The following HNRNPLL variants were observed in gnomAD, a reference collection of about 807,000 sequenced individuals.
HNRNPLL encodes heterogeneous nuclear ribonucleoprotein L-like.
In HNRNPLL, 25 loss-of-function variants were observed where a neutral mutation model predicts 67.1. That is an observed-to-expected ratio of 0.37 (90% CI 0.27 to 0.52). The LOEUF is 0.52. Among genes scored for constraint, HNRNPLL ranks in the 20% least tolerant of loss-of-function variants. The pLI is 0.90. For synonymous variants in HNRNPLL, 267 were observed against 241.7 expected (o/e 1.10, Z -0.97); for missense variants, 542 against 673.9 (o/e 0.80, Z 2.17).
Position 38,602,465 on chromosome 2 carries a change from G to A in HNRNPLL, c.162C>T (p.Gly54=). 1.3e-6 allele frequency: 2 copies of A among 1,539,084 alleles called. No individual in the cohort carries two copies. The highest frequency in any genetic ancestry group is 1.2e-5 in the South Asian group (1 of 84,062). Residue 54 remains glycine (G), a synonymous_variant, in exon 1 of 13, where the codon GGC becomes GGT. Coordinates refer to ENST00000449105, the MANE Select transcript of HNRNPLL (RefSeq NM_138394.4). ...GCTGAGAGAAGCTCCGGCCGCCGCC[G>A]CCGCCATCGCCCCCGCCCCGGGGCG... The part of the protein sequence containing the change: ...EATPRGGGDG[G]GGGRSFSQPE...
intron 1 of HNRNPLL, among the ~76,000 whole-genome samples, chr2:38,596,417 C>T (rs1236294653): frequency 5.3e-5 from 8 of 152,136 alleles, no homozygotes; most frequent in African/African-American, 1.9e-4. Flanking sequence ...TACCACCACA[C>T]CTGGCTGATT....
Position 38,602,694 on chromosome 2 carries a change from G to C in HNRNPLL, c.-68C>G. The C allele has an allele frequency of 7.0e-7, 1 of 1,430,986 alleles. No homozygotes were observed. The highest frequency in any genetic ancestry group is 1.5e-5 in the South Asian group (1 of 67,360). 88.6% of individuals were successfully genotyped at this position (1,430,986 alleles called of 1,614,324 possible). ...CGGTGGGGCGCGCGCCTCGGATGCC[G>C]CCGGCCAGTCCTCGCCGCCGGCAGC... is the stretch of plus-strand genomic sequence containing the variant. On this transcript the variant is annotated 5_prime_UTR_variant, in exon 1 of 13. Coordinates refer to ENST00000449105, the MANE Select transcript of HNRNPLL (RefSeq NM_138394.4).
Position 38,562,412 on chromosome 2 carries a change from G to C in HNRNPLL, c.*1770C>G, listed in dbSNP as rs1424462038. The C allele has an allele frequency of 6.6e-6, 1 of 151,966 alleles. No individual in the cohort carries two copies. The highest frequency in any genetic ancestry group is 1.5e-5 in the Non-Finnish European group (1 of 67,970). The allele number at this position is 151,966 out of a possible 1,614,324, so 9.4% of individuals were successfully genotyped here. ...GAAATAAGTCCTGCCAACACCTACA[G>C]GTTTATTTCTTAAAATCTTAGGCAT... On this transcript the variant is annotated 3_prime_UTR_variant, in exon 13 of 13. Transcript: ENST00000449105.
At chr2:38,586,051 T>G (rs969447027) in intron 2 of HNRNPLL, among the ~76,000 whole-genome samples, 170 bp from the exon 3 acceptor site, 7 of 152,064 alleles carry the variant, frequency 4.6e-5, no homozygotes, top group African/African-American at 1.7e-4. Flanking sequence ...AGACGGAGTC[T>G]TTCTCTGTCG....
chr2:38,591,738 G>C (rs1200962972), intron 1 of HNRNPLL, 90 bp from the exon 2 acceptor site: 2 of 710,424 alleles, frequency 2.8e-6, no homozygotes, highest in Non-Finnish European at 4.8e-6. Context: ...CACTTTGGGA[G>C]GTCAAAGTGG....
chr2:38,573,907 A>G (rs908864452), intron 7 of HNRNPLL, among the ~76,000 whole-genome samples: 2 of 151,862 alleles, frequency 1.3e-5, no homozygotes, highest in African/African-American at 4.8e-5. Flanking sequence ...CCTTGAATAT[A>G]TTTTACTATG....
At chr2:38,584,796 A>T (rs769262139) in intron 3 of HNRNPLL, among the ~76,000 whole-genome samples, 1 of 152,020 alleles carries the variant, frequency 6.6e-6, no homozygotes, top group Non-Finnish European at 1.5e-5. Context: ...AACTATCAAG[A>T]AATTTCTTGA....
At chr2:38,585,355 C>T (rs899803580) in intron 3 of HNRNPLL, among the ~76,000 whole-genome samples, 29 of 152,050 alleles carry the variant, frequency 1.9e-4, no homozygotes, top group African/African-American at 6.5e-4. Context: ...ATTTTTTGAA[C>T]GATTTCAAAC....
In HNRNPLL at chr2:38,602,600, C is replaced by T; in HGVS notation, c.27G>A (p.Arg9=). Residue 9 remains arginine (R), a synonymous_variant, in exon 1 of 13, where the codon AGG becomes AGA. Transcript: ENST00000449105. ...ACTCCCGGTCCTCCTCGTACGTCTC[C>T]CTGGGGGAGGAAGAGGAGGAGGACA... MSSSSSSP[R]ETYEEDREYE... 6.4e-7 allele frequency: 1 copy of T among 1,565,416 alleles called. No individual in the cohort carries two copies. Among genetic ancestry groups the T allele is most frequent in the Non-Finnish European group, 8.6e-7 (1 of 1,158,988 alleles).
Position 38,566,977 on chromosome 2 carries a change from G to T in HNRNPLL, c.1573+1222C>A, listed in dbSNP as rs922806051. On this transcript the variant is annotated intron_variant, in intron 12 of 12. Coordinates refer to ENST00000449105, the MANE Select transcript of HNRNPLL (RefSeq NM_138394.4). ...ATAAGACAAAACTGTGATACATCTT[G>T]ACTATAAATAGCTATCCTGAAAATG... Among the ~76,000 whole-genome samples the T allele has an allele frequency of 2.0e-5, 3 of 152,260 alleles. No individual in the cohort carries two copies. In the East Asian group the frequency reaches 5.8e-4, roughly 29 times the overall value.
intron 3 of HNRNPLL, among the ~76,000 whole-genome samples, chr2:38,584,356 G>A (rs1469380210): frequency 1.3e-5 from 2 of 152,060 alleles, no homozygotes; most frequent in Non-Finnish European, 2.9e-5. Context: ...CCACCATGCT[G>A]GCCTAAAATT....
chr2:38,569,084 A>C, intron 10 of HNRNPLL, 49 bp downstream of exon 10: 8 of 1,316,140 alleles, frequency 6.1e-6, no homozygotes, highest in Non-Finnish European at 8.8e-6. Flanking sequence ...AACAGATTTT[A>C]AAATAGGAAA....
intron 1 of HNRNPLL, among the ~76,000 whole-genome samples, chr2:38,597,543 T>G (rs1479554840): frequency 6.6e-6 from 1 of 152,206 alleles, no homozygotes; most frequent in Non-Finnish European, 1.5e-5. Context: ...ATTAAATAAT[T>G]ATGTCTCTTG....
chr2:38,574,565 G>C (rs925457352), intron 7 of HNRNPLL, among the ~76,000 whole-genome samples: 2 of 151,752 alleles, frequency 1.3e-5, no homozygotes, highest in Admixed American at 6.6e-5. Flanking sequence ...GAGTTACTAA[G>C]AACTACTAAA....
chr2:38,572,902 A>C (rs77360526), intron 8 of HNRNPLL, among the ~76,000 whole-genome samples: 1 of 152,062 alleles, frequency 6.6e-6, no homozygotes, highest in African/African-American at 2.4e-5. Flanking sequence ...CGCTAGAATC[A>C]CTTTGAAATG....
chr2:38,589,618 C>T (rs958009736), intron 2 of HNRNPLL, among the ~76,000 whole-genome samples: 3 of 152,158 alleles, frequency 2.0e-5, no homozygotes, highest in South Asian at 2.1e-4. Flanking sequence ...CATTCACATA[C>T]GGTAGACTTT....
Position 38,564,152 on chromosome 2 carries a change from GAACATAAATTCT to G in HNRNPLL, c.*18_*29del. ...GTAGCTTTGAAATTGTAATAAAGGTGAACATAAATTCTAACATGCTCTTCTCTTCTTATAAAT... is the reference window on the plus strand; with the variant it reads ...GTAGCTTTGAAATTGTAATAAAGGTGAACATGCTCTTCTCTTCTTATAAAT... On this transcript the variant is annotated 3_prime_UTR_variant, in exon 13 of 13. Transcript: ENST00000449105. The G allele has an allele frequency of 7.6e-7, 1 of 1,313,386 alleles. No individual in the cohort carries two copies. The highest frequency in any genetic ancestry group is 1.1e-6 in the Non-Finnish European group (1 of 910,956). The allele number at this position is 1,313,386 out of a possible 1,614,324, so 81.4% of individuals were successfully genotyped here.
At chr2:38,571,815 C>G (rs1478837374) in intron 8 of HNRNPLL, among the ~76,000 whole-genome samples, 7 of 151,996 alleles carry the variant, frequency 4.6e-5, no homozygotes, top group Non-Finnish European at 7.4e-5. Context: ...TAAAAACTTG[C>G]AAGATGTAGA....
At chr2:38,571,026 T>C (rs1026825591) in intron 8 of HNRNPLL, among the ~76,000 whole-genome samples, 2 of 152,060 alleles carry the variant, frequency 1.3e-5, no homozygotes, top group African/African-American at 4.8e-5. Context: ...GCCTCGGCGA[T>C]AGAACAAGAC....
Sources: gnomAD v4.1 joint callset for allele counts (sites outside exome capture counted in the v4.1 genomes callset) on GRCh38, gnomAD v4.1.1 for gene constraint, MANE v1.5 for transcripts, NCBI Gene and HGNC (gene_info 2026-07-23, HGNC 2026-07-21) for gene names.